RAPGEF4: variants seen among roughly 807,000 people sequenced by gnomAD.
RAPGEF4 encodes the protein Rap guanine nucleotide exchange factor 4.
RAPGEF4 carries 66 observed loss-of-function variants against 147.9 expected under a neutral mutation model. That is an observed-to-expected ratio of 0.45 (90% CI 0.37 to 0.55). The LOEUF (loss-of-function observed/expected upper bound fraction) is 0.55, where lower values mean the gene tolerates loss of function less well. Ranked by LOEUF, RAPGEF4 falls within the 20% of genes least tolerant of loss-of-function variation. RAPGEF4 has a pLI of 0.00. For missense variants in RAPGEF4, 1,071 were observed against 1,257.3 expected, an observed-to-expected ratio of 0.85 and a Z score of 2.24; for synonymous variants, 419 against 442.7, an observed-to-expected ratio of 0.95 and a Z score of 0.67.
At chr2:173,050,631 T>G (rs1472511012) in intron 30 of RAPGEF4, among the ~76,000 whole-genome samples, 1 of 151,974 alleles carries the variant, frequency 6.6e-6, no homozygotes, top group African/African-American at 2.4e-5. Flanking sequence ...ATGCTTGAAA[T>G]GGAGGTGGCC....
chr2:172,839,178 T>C (rs1322117265), intron 4 of RAPGEF4, among the ~76,000 whole-genome samples: 2 of 152,082 alleles, frequency 1.3e-5, no homozygotes, highest in Non-Finnish European at 2.9e-5. Context: ...TCATTGGCTT[T>C]GTTACAGGAA....
chr2:172,997,957 T>G (rs567540296), intron 16 of RAPGEF4, among the ~76,000 whole-genome samples: 97 of 152,346 alleles, frequency 6.4e-4, no homozygotes, highest in African/African-American at 2.3e-3. Flanking sequence ...AATTAGGGTA[T>G]AGTAGATATA....
intron 10 of RAPGEF4, among the ~76,000 whole-genome samples, chr2:172,977,302 C>G (rs1043212955): frequency 2.0e-5 from 3 of 152,144 alleles, no homozygotes; most frequent in African/African-American, 7.2e-5. Context: ...CCCTGTCACC[C>G]CCGTAAAGAC....
rs150552209 is a variant in RAPGEF4, at chr2:173,018,762, C to T, written c.2115C>T (p.Ser705=). 1.9e-3 allele frequency: 3,073 copies of T among 1,613,974 alleles called. 47 individuals are homozygous for T. In the South Asian group the frequency reaches 0.022, roughly 11 times the overall value. Residue 705 remains serine (S), a synonymous_variant, in exon 22 of 31, where the codon TCC becomes TCT. Transcript: ENST00000397081. Reference sequence around the variant, plus strand: ...GTGCAGTTGCCGACAAGCTGGGCTCCGGGGAGGGCCTGATCATAGTCAAGA... The same window carrying T: ...GTGCAGTTGCCGACAAGCTGGGCTCTGGGGAGGGCCTGATCATAGTCAAGA... ...VISAVADKLG[S]GEGLIIVKMS... is the part of the protein sequence containing the mutation.
chr2:172,817,881 TA>T (rs1688660649), intron 4 of RAPGEF4, among the ~76,000 whole-genome samples: 1 of 109,432 alleles, frequency 9.1e-6, no homozygotes, highest in Non-Finnish European at 1.9e-5. Context: ...TTGTGATATA[TA>T]TATATATATA....
chr2:173,038,008 T>C (rs1186045510), intron 29 of RAPGEF4, among the ~76,000 whole-genome samples: 2 of 152,214 alleles, frequency 1.3e-5, no homozygotes, highest in East Asian at 1.9e-4. Context: ...AATGCGCTTA[T>C]TGCAAAGCCC....
intron 14 of RAPGEF4, among the ~76,000 whole-genome samples, chr2:172,990,311 T>A (rs1266666727): frequency 6.6e-6 from 1 of 152,152 alleles, no homozygotes; most frequent in Non-Finnish European, 1.5e-5. Context: ...ATTTATAAAA[T>A]CACTTAAAAT....
intron 6 of RAPGEF4, among the ~76,000 whole-genome samples, chr2:172,933,051 T>G (rs1333923768): frequency 6.6e-6 from 1 of 152,212 alleles, no homozygotes; most frequent in Non-Finnish European, 1.5e-5. Context: ...TTTTAAAAAG[T>G]CAATTCATGC....
intron 6 of RAPGEF4, among the ~76,000 whole-genome samples, chr2:172,934,992 C>T (rs1021327937): frequency 5.3e-5 from 8 of 152,090 alleles, no homozygotes; most frequent in East Asian, 3.9e-4. Flanking sequence ...TCCTGGGCAA[C>T]GTGGTGAGGC....
chr2:172,858,467 T>G (rs1050453775), intron 4 of RAPGEF4, among the ~76,000 whole-genome samples: 2 of 152,196 alleles, frequency 1.3e-5, no homozygotes, highest in African/African-American at 4.8e-5. Context: ...CATACTCCAG[T>G]GACCGGCCCA....
chr2:172,910,004 A>G (rs574810149), intron 4 of RAPGEF4, among the ~76,000 whole-genome samples: 4 of 152,322 alleles, frequency 2.6e-5, no homozygotes, highest in East Asian at 3.9e-4. Flanking sequence ...CACTGTGGGC[A>G]TGACCCTTGC....
intron 3 of RAPGEF4, among the ~76,000 whole-genome samples, chr2:172,801,946 G>A (rs1188081519): frequency 6.6e-6 from 1 of 152,192 alleles, no homozygotes; most frequent in Non-Finnish European, 1.5e-5. Context: ...ATCTGGCGAT[G>A]CACAGTGAAA....
chr2:172,933,640 A>G (rs913975432), intron 6 of RAPGEF4, among the ~76,000 whole-genome samples: 1 of 152,220 alleles, frequency 6.6e-6, no homozygotes, highest in Non-Finnish European at 1.5e-5. Flanking sequence ...GAAAGAAATG[A>G]AATAGTGAGA....
intron 17 of RAPGEF4, among the ~76,000 whole-genome samples, chr2:173,008,493 T>C (rs1197409652): frequency 6.6e-6 from 1 of 152,210 alleles, no homozygotes; most frequent in African/African-American, 2.4e-5. Context: ...AGTGGGCAGA[T>C]GACCCCCAAA....
In RAPGEF4 at chr2:172,745,877, A is replaced by G. The variant is rs558256900; in HGVS notation, c.65+9829A>G. ...CTCAACAACATTCCAACAGTGATTC[A>G]GCAGTGAGTTTCACAGGCTCTTTAA... On this transcript the variant is annotated intron_variant, in intron 1 of 30. Transcript: ENST00000397081. Among the ~76,000 whole-genome samples the G allele has an allele frequency of 4.1e-4, 62 of 152,346 alleles. 1 individual carries two copies. In the South Asian group the frequency reaches 0.012, roughly 31 times the overall value.
chr2:172,925,971 CAG>C (rs1401923466), intron 6 of RAPGEF4, among the ~76,000 whole-genome samples: 1 of 79,744 alleles, frequency 1.3e-5, no homozygotes, highest in Non-Finnish European at 2.4e-5. Context: ...GGAGGGGGGA[CAG>C]AGGGAGGGAA....
intron 1 of RAPGEF4, among the ~76,000 whole-genome samples, chr2:172,786,832 T>G (rs1685255527): frequency 6.6e-6 from 1 of 152,172 alleles, no homozygotes; most frequent in African/African-American, 2.4e-5. Flanking sequence ...ACTATAATCA[T>G]GCCTGTATAT....
intron 17 of RAPGEF4, among the ~76,000 whole-genome samples, chr2:173,005,530 T>G (rs887279087): frequency 7.2e-6 from 1 of 139,338 alleles, no homozygotes; most frequent in Non-Finnish European, 1.6e-5. Flanking sequence ...GTTTTTTTTT[T>G]TTTTTTTTTT....
intron 4 of RAPGEF4, among the ~76,000 whole-genome samples, chr2:172,825,144 T>C (rs1689526701): frequency 6.6e-6 from 1 of 152,212 alleles, no homozygotes; most frequent in Non-Finnish European, 1.5e-5. Context: ...ACCATGTCAG[T>C]AATGCATTTA....
Sources: allele counts gnomAD v4.1 joint callset (sites outside exome capture counted in the v4.1 genomes callset), GRCh38; gene constraint gnomAD v4.1.1; transcripts MANE v1.5; gene names NCBI Gene and HGNC (gene_info 2026-07-23, HGNC 2026-07-21).